The following NT5DC1 variants were observed in gnomAD, a reference collection of about 807,000 sequenced individuals.
NT5DC1 encodes the protein 5'-nucleotidase domain-containing protein 1.
NT5DC1 carries 42 observed loss-of-function variants against 59.4 expected under a neutral mutation model. The ratio of observed to expected loss-of-function variants is 0.71; its 90% CI spans 0.55 to 0.92. The LOEUF is 0.92. NT5DC1 is among the 40% of genes least tolerant of loss of function. NT5DC1 has a pLI of 0.00. For missense variants in NT5DC1, 501 were observed against 537.1 expected, an observed-to-expected ratio of 0.93 and a Z score of 0.66; for synonymous variants, 172 against 188.1, an observed-to-expected ratio of 0.91 and a Z score of 0.70.
At chr6:116,169,152 A>G (rs1263118960) in intron 6 of NT5DC1, among the ~76,000 whole-genome samples, 1 of 151,496 alleles carries the variant, frequency 6.6e-6, no homozygotes, top group Non-Finnish European at 1.5e-5. Flanking sequence ...CCAGATTCCA[A>G]GCTCAGCTTT....
chr6:116,164,906 A>AC lies in NT5DC1; in HGVS notation c.529+46965dup, dbSNP rs1780426659. Among the ~76,000 whole-genome samples, 8 of 151,876 alleles carry AC rather than the reference A, an allele frequency of 5.3e-5. No individual in the cohort carries two copies. The South Asian group carries it at 1.7e-3, about 32-fold the overall frequency. ...AGACCATCCTGGCTAACATGGTGAA[A>AC]CCCCGTCTCTACTAAAAAAATAAAT... On this transcript the variant is annotated intron_variant, in intron 6 of 11. Transcript: ENST00000319550.
At chr6:116,223,391 A>G (rs192614999) in intron 8 of NT5DC1, among the ~76,000 whole-genome samples, 7 of 152,378 alleles carry the variant, frequency 4.6e-5, no homozygotes, top group Admixed American at 4.6e-4. Context: ...GCCTCGATAA[A>G]TATTTGAAGG....
chr6:116,127,226 G>A (rs2114316258), intron 6 of NT5DC1, among the ~76,000 whole-genome samples: 1 of 152,192 alleles, frequency 6.6e-6, no homozygotes, highest in Non-Finnish European at 1.5e-5. Flanking sequence ...TTTGACCAGT[G>A]AATGAACTAA....
intron 6 of NT5DC1, chr6:116,121,058 C>T (rs1488158736): frequency 2.5e-6 from 4 of 1,613,968 alleles, no homozygotes; most frequent in Non-Finnish European, 2.5e-6. Context: ...ACCATGGCTA[C>T]CCGGGATGCC....
At chr6:116,141,448 T>G (rs558458334) in intron 6 of NT5DC1, among the ~76,000 whole-genome samples, 1 of 152,282 alleles carries the variant, frequency 6.6e-6, no homozygotes, top group African/African-American at 2.4e-5. Context: ...AATAATTCAT[T>G]GAGATTCAAT....
chr6:116,238,954 G>T lies in NT5DC1; in HGVS notation c.1084-1G>T, dbSNP rs1782175375. 1.6e-5 allele frequency: 25 copies of T among 1,577,426 alleles called. No homozygotes were observed. Among genetic ancestry groups the T allele is most frequent in the Non-Finnish European group, 2.2e-5 (25 of 1,149,806 alleles). Reference sequence around the variant, plus strand: ...TTAATTATTCTGTTCTCTTGTTTCAGGGACCAAAAGCAAAACCTTTAAATA... The same window carrying T: ...TTAATTATTCTGTTCTCTTGTTTCATGGACCAAAAGCAAAACCTTTAAATA... On this transcript the variant is annotated splice_acceptor_variant, in intron 10 of 11. Coordinates refer to ENST00000319550, the MANE Select transcript of NT5DC1 (RefSeq NM_152729.3). LOFTEE classifies it high-confidence loss of function.
At chr6:116,163,508 T>C (rs1172944987) in intron 6 of NT5DC1, among the ~76,000 whole-genome samples, 1 of 152,078 alleles carries the variant, frequency 6.6e-6, no homozygotes, top group African/African-American at 2.4e-5. Flanking sequence ...TTGAGTCCTC[T>C]TTTTTTCTTG....
chr6:116,156,774 A>G (rs1780205204), intron 6 of NT5DC1, among the ~76,000 whole-genome samples: 1 of 152,192 alleles, frequency 6.6e-6, no homozygotes, highest in African/African-American at 2.4e-5. Flanking sequence ...TATCCAAGAT[A>G]TCTATGGATA....
At chr6:116,113,672 G>A (rs1371815408) in intron 4 of NT5DC1, among the ~76,000 whole-genome samples, 1 of 152,132 alleles carries the variant, frequency 6.6e-6, no homozygotes, top group Non-Finnish European at 1.5e-5. Flanking sequence ...CTTGCATTGT[G>A]GGTGAAAACC....
intron 6 of NT5DC1, among the ~76,000 whole-genome samples, chr6:116,123,617 CTT>C (rs565535534): frequency 2.2e-4 from 33 of 152,262 alleles, no homozygotes; most frequent in African/African-American, 7.7e-4. Flanking sequence ...TGTAATAACT[CTT>C]TGAATTCCTG....
chr6:116,131,999 A>G (rs1779479052), intron 6 of NT5DC1, among the ~76,000 whole-genome samples: 3 of 152,192 alleles, frequency 2.0e-5, no homozygotes. Flanking sequence ...TGCAAAGGAC[A>G]TTATCTTATT....
At chr6:116,230,125 T>G (rs1191532640) in intron 8 of NT5DC1, among the ~76,000 whole-genome samples, 1 of 152,174 alleles carries the variant, frequency 6.6e-6, no homozygotes, top group Non-Finnish European at 1.5e-5. Context: ...ATCTCTCATC[T>G]TTGTCCTCCT....
At chr6:116,166,768 T>G (rs1161491620) in intron 6 of NT5DC1, among the ~76,000 whole-genome samples, 4 of 152,342 alleles carry the variant, frequency 2.6e-5, no homozygotes, top group Admixed American at 2.0e-4. Flanking sequence ...AGTAGTTACT[T>G]AAATTATGTA....
intron 6 of NT5DC1, among the ~76,000 whole-genome samples, chr6:116,219,139 C>G (rs1383897449): frequency 6.6e-6 from 1 of 152,130 alleles, no homozygotes; most frequent in Non-Finnish European, 1.5e-5. Flanking sequence ...GTCTGGCCAA[C>G]AGAGCGAGAC....
intron 6 of NT5DC1, among the ~76,000 whole-genome samples, chr6:116,205,021 T>C (rs1781423040): frequency 6.6e-6 from 1 of 151,994 alleles, no homozygotes; most frequent in Non-Finnish European, 1.5e-5. Context: ...GAACTACATA[T>C]GTGTGTATGC....
rs73772257 is a variant in NT5DC1, at chr6:116,118,155, T to C, written c.529+210T>C. On this transcript the variant is annotated intron_variant, in intron 6 of 11. Transcript: ENST00000319550. Reference sequence around the variant, plus strand: ...CTATAATTGCCCATATTCCAAGCTGTGCTGTTACACTCTCCTTTACCACGC... The same window carrying C: ...CTATAATTGCCCATATTCCAAGCTGCGCTGTTACACTCTCCTTTACCACGC... 1.5e-3 allele frequency: 854 copies of C among 575,498 alleles called. 8 individuals carry two copies. The African/African-American group carries it at 0.015, about 10-fold the overall frequency. 35.6% of individuals were successfully genotyped at this position (575,498 alleles called of 1,614,324 possible).
At chr6:116,162,155 A>T (rs1460418682) in intron 6 of NT5DC1, among the ~76,000 whole-genome samples, 3 of 152,156 alleles carry the variant, frequency 2.0e-5, no homozygotes, top group African/African-American at 7.2e-5. Flanking sequence ...AAAGTTATTG[A>T]TTAGGTCCAG....
chr6:116,147,095 A>G (rs1218522959), intron 6 of NT5DC1, among the ~76,000 whole-genome samples: 1 of 151,740 alleles, frequency 6.6e-6, no homozygotes, highest in African/African-American at 2.4e-5. Context: ...GAATCTGACA[A>G]TATTAAAAAA....
intron 6 of NT5DC1, among the ~76,000 whole-genome samples, chr6:116,219,133 G>A (rs190711003): frequency 5.7e-4 from 87 of 152,236 alleles, no homozygotes; most frequent in East Asian, 4.5e-3. Context: ...ACTCCAGTCT[G>A]GCCAACAGAG....
Sources: allele counts gnomAD v4.1 joint callset (sites outside exome capture counted in the v4.1 genomes callset), GRCh38; gene constraint gnomAD v4.1.1; transcripts MANE v1.5; gene names NCBI Gene and HGNC (gene_info 2026-07-23, HGNC 2026-07-21).